SDHA: variants seen among roughly 807,000 people sequenced by gnomAD.
SDHA encodes the protein succinate dehydrogenase [ubiquinone] flavoprotein subunit, mitochondrial.
Under a neutral mutation model 78.4 loss-of-function variants are expected in SDHA, and 48 were observed. The observed-to-expected ratio is 0.61, with a 90% CI of 0.49 to 0.78. The LOEUF (loss-of-function observed/expected upper bound fraction) is 0.78, where lower values mean the gene tolerates loss of function less well. SDHA is among the 30% of genes least tolerant of loss of function. SDHA has a pLI of 0.00. For synonymous variants in SDHA, 326 were observed against 353.9 expected, an observed-to-expected ratio of 0.92 and a Z score of 0.88; for missense variants, 680 against 892.7, an observed-to-expected ratio of 0.76 and a Z score of 3.04.
chr5:259,989 C>A (rs1737426494), downstream of SDHA, among the ~76,000 whole-genome samples: 1 of 63,702 alleles, frequency 1.6e-5, no homozygotes, highest in Non-Finnish European at 2.7e-5. Flanking sequence ...CCCGCCAGAG[C>A]ATTACCGTGT....
chr5:226,347 G>A (rs1457899079), intron 5 of SDHA, among the ~76,000 whole-genome samples: 1 of 152,172 alleles, frequency 6.6e-6, no homozygotes, highest in Non-Finnish European at 1.5e-5. Flanking sequence ...AGCAGAGCAA[G>A]CAGGCCAGGC....
chr5:245,367 A>G lies in SDHA; in HGVS notation c.1551+4891A>G, dbSNP rs1736380370. Among the ~76,000 whole-genome samples the G allele has an allele frequency of 2.0e-5, 3 of 152,208 alleles. No individual in the cohort carries two copies. The South Asian group carries it at 6.2e-4, about 32-fold the overall frequency. On this transcript the variant is annotated intron_variant, in intron 11 of 14. Coordinates refer to ENST00000264932, the MANE Select transcript of SDHA (RefSeq NM_004168.4). The stretch of plus-strand genomic sequence containing the variant: ...TCTTTACTATCCCCTTAGCTGAGCA[A>G]GACTGTGAACGGTTTGCATTTACAA...
chr5:237,841 T>C (rs1735876358), intron 10 of SDHA, among the ~76,000 whole-genome samples: 1 of 137,556 alleles, frequency 7.3e-6, no homozygotes, highest in Admixed American at 7.0e-5. Context: ...TCTCTGGATC[T>C]GACCACCGCT....
chr5:241,763 C>A (rs1736156295), intron 11 of SDHA, among the ~76,000 whole-genome samples: 1 of 152,206 alleles, frequency 6.6e-6, no homozygotes, highest in South Asian at 2.1e-4. Flanking sequence ...AGAACAGGTT[C>A]CCTGCTGACA....
chr5:236,476 G>A lies in SDHA; in HGVS notation c.1309G>A (p.Ala437Thr), dbSNP rs1553999731. 4.3e-6 allele frequency: 7 copies of A among 1,613,860 alleles called. No homozygotes were observed. Among genetic ancestry groups the A allele is most frequent in the East Asian group, 2.2e-5 (1 of 44,878 alleles). ...GGATCAGATTGTGCCCGGCCTGTAC[G>A]CCTGTGGGGAGGCCGCCTGTGCCTC... ...GQDQIVPGLY[A>T]CGEAACASVH... The change falls in exon 10 of 15, where the codon GCC (alanine) becomes ACC (threonine). Residue 437 changes from alanine (A) to threonine (T), a missense_variant. Ala to Thr is a moderately conservative substitution (Grantham distance 58, BLOSUM62 0). Coordinates refer to ENST00000264932, the MANE Select transcript of SDHA (RefSeq NM_004168.4).
At position 241,279 on chromosome 5, in the gene SDHA, G is replaced by A. The variant is rs375883827; in HGVS notation, c.1551+803G>A. Among the ~76,000 whole-genome samples, 5 of 152,188 alleles carry A rather than the reference G, an allele frequency of 3.3e-5. No homozygotes were observed. The East Asian group carries it at 7.7e-4, about 23-fold the overall frequency. ...GACCGCTGGAGAAGCTCAGTCCCCA[G>A]CAGGGCAGCTTTCTCTTAGAGGTTT... is the stretch of plus-strand genomic sequence containing the variant. On this transcript the variant is annotated intron_variant, in intron 11 of 14. Transcript: ENST00000264932.
the SDHA span, among the ~76,000 whole-genome samples, chr5:262,935 A>AT: frequency 6.6e-6 from 1 of 151,962 alleles, no homozygotes; most frequent in African/African-American, 2.4e-5. Flanking sequence ...CCTTATATTA[A>AT]TTTTTTGTTT....
intron 11 of SDHA, among the ~76,000 whole-genome samples, chr5:244,092 C>A (rs894021397): frequency 2.2e-4 from 34 of 152,138 alleles, no homozygotes; most frequent in African/African-American, 8.0e-4. Context: ...TTGGGAAATG[C>A]CATGAGGGGC....
At chr5:255,368 G>T (rs1462114399) in intron 14 of SDHA, among the ~76,000 whole-genome samples, 2 of 151,836 alleles carry the variant, frequency 1.3e-5, no homozygotes, top group African/African-American at 4.8e-5. Context: ...GACTTCTCAT[G>T]AAGGCCATTT....
In SDHA at chr5:224,282, A is replaced by G. The variant is rs35947614; in HGVS notation, c.151-78A>G. 157,084 of 1,467,052 alleles carry G rather than the reference A, an allele frequency of 0.11. 9,584 individuals are homozygous for G. The highest frequency in any genetic ancestry group is 0.12 in the Non-Finnish European group (122,221 of 1,049,292). The allele number at this position is 1,467,052 out of a possible 1,614,324, so 90.9% of individuals were successfully genotyped here. ...GCAGTTGCTCCTTTTATCTTTGTCA[A>G]GCTCTTTCACTGTCACAAGATTCTT... On this transcript the variant is annotated intron_variant, in intron 2 of 14. Coordinates refer to ENST00000264932, the MANE Select transcript of SDHA (RefSeq NM_004168.4).
chr5:230,336 C>A (rs1436377942), intron 6 of SDHA, among the ~76,000 whole-genome samples: 1 of 152,042 alleles, frequency 6.6e-6, no homozygotes, highest in African/African-American at 2.4e-5. Flanking sequence ...AGCTAAAATA[C>A]AAATAGGGCC....
chr5:255,506 A>G (rs1475677887), intron 14 of SDHA, among the ~76,000 whole-genome samples: 2 of 151,374 alleles, frequency 1.3e-5, no homozygotes, highest in Admixed American at 6.6e-5. Context: ...GCCCAGGCTG[A>G]TATGTGTTGG....
downstream of SDHA, among the ~76,000 whole-genome samples, chr5:258,196 C>T (rs1737327923): frequency 7.8e-6 from 1 of 127,616 alleles, no homozygotes; most frequent in Non-Finnish European, 1.6e-5. Context: ...ACTGGGTGAG[C>T]TCCACCCCCT....
chr5:227,079 C>T (rs1735076871), intron 5 of SDHA, among the ~76,000 whole-genome samples: 1 of 152,134 alleles, frequency 6.6e-6, no homozygotes, highest in African/African-American at 2.4e-5. Context: ...AGCACAATCT[C>T]AGCTCACTGC....
intron 10 of SDHA, among the ~76,000 whole-genome samples, chr5:238,735 G>A (rs796138619): frequency 5.9e-5 from 9 of 152,316 alleles, no homozygotes; most frequent in African/African-American, 1.9e-4. Context: ...GAGGCAGGCA[G>A]ATTGCTTGAG....
At chr5:248,062 A>G (rs570791619) in intron 11 of SDHA, among the ~76,000 whole-genome samples, 2 of 152,398 alleles carry the variant, frequency 1.3e-5, no homozygotes, top group South Asian at 2.1e-4. Flanking sequence ...TACAGAAACC[A>G]GCTGCAAAGA....
intron 1 of SDHA, among the ~76,000 whole-genome samples, chr5:218,765 G>T (rs1054617030): frequency 2.6e-5 from 4 of 152,350 alleles, no homozygotes; most frequent in Admixed American, 2.0e-4. Context: ...GTGGACTCGG[G>T]GAGGAGTCGT....
chr5:235,078 G>A (rs755272709), intron 8 of SDHA, 66 bp from the exon 9 acceptor site: 74 of 1,466,258 alleles, frequency 5.0e-5, no homozygotes, highest in Non-Finnish European at 7.0e-5. Context: ...CTTCCAAGAT[G>A]ACGTATTCTC....
chr5:262,189 C>T, the SDHA span, among the ~76,000 whole-genome samples: 7 of 97,580 alleles, frequency 7.2e-5, no homozygotes, highest in African/African-American at 1.4e-4. Context: ...CTCCGCCTCC[C>T]GCCAGAGCAT....
Sources: allele counts gnomAD v4.1 joint callset (sites outside exome capture counted in the v4.1 genomes callset), GRCh38; gene constraint gnomAD v4.1.1; transcripts MANE v1.5; gene names NCBI Gene and HGNC (gene_info 2026-07-23, HGNC 2026-07-21).